Variants in TMEM50B observed in about 807,000 individuals in gnomAD.
TMEM50B encodes the protein HCV p7-trans-regulated protein 3.
TMEM50B carries 14 observed loss-of-function variants against 23.4 expected under a neutral mutation model. That is an observed-to-expected ratio of 0.60 (90% CI 0.39 to 0.93). The LOEUF (loss-of-function observed/expected upper bound fraction) is 0.93, where lower values mean the gene tolerates loss of function less well. TMEM50B is among the 40% of genes least tolerant of loss of function. The pLI, the probability that TMEM50B is intolerant of heterozygous loss-of-function variation, is 0.00. For missense variants in TMEM50B, 159 were observed against 193.0 expected (o/e 0.82, Z 1.04); for synonymous variants, 64 against 62.3 (o/e 1.03, Z -0.13).
rs1445005266 is a variant in TMEM50B at position 33,450,771 on chromosome 21, C to T, written c.*47G>A. On this transcript the variant is annotated 3_prime_UTR_variant, in exon 7 of 7. Transcript: ENST00000542230. ...GTGTACTGAGAGATAAAAAACCTAT[C>T]TACAAACAGAATATAACAAAAGGAA... The T allele has an allele frequency of 6.5e-7, 1 of 1,543,114 alleles. No homozygotes were observed. Among genetic ancestry groups the T allele is most frequent in the Non-Finnish European group, 8.9e-7 (1 of 1,125,630 alleles).
intron 1 of TMEM50B, among the ~76,000 whole-genome samples, chr21:33,476,666 CAGG>C (rs2084374272): frequency 7.1e-6 from 1 of 141,282 alleles, no homozygotes; most frequent in South Asian, 2.3e-4. Flanking sequence ...GAGGCTGAGG[CAGG>C]AGAATGGTGT....
At chr21:33,455,525 G>A (rs2084161093) in intron 6 of TMEM50B, among the ~76,000 whole-genome samples, 1 of 152,118 alleles carries the variant, frequency 6.6e-6, no homozygotes, top group Admixed American at 6.6e-5. Context: ...AAAGGATCCA[G>A]CTAAAGTCTT....
chr21:33,464,582 G>A (rs1325874892), intron 4 of TMEM50B, among the ~76,000 whole-genome samples: 1 of 148,718 alleles, frequency 6.7e-6, no homozygotes, highest in East Asian at 2.1e-4. Context: ...AAGGTGGGTG[G>A]ATCACCTGAG....
At chr21:33,452,229 C>A (rs989067581) in intron 6 of TMEM50B, among the ~76,000 whole-genome samples, 1 of 152,216 alleles carries the variant, frequency 6.6e-6, no homozygotes, top group Non-Finnish European at 1.5e-5. Flanking sequence ...GCAGAAACTG[C>A]CAAACATCTT....
chr21:33,457,683 G>A (rs1242103057), intron 5 of TMEM50B, among the ~76,000 whole-genome samples: 1 of 150,086 alleles, frequency 6.7e-6, no homozygotes, highest in South Asian at 2.1e-4. Flanking sequence ...CTCAACAATA[G>A]TAAAGCCTTT....
At chr21:33,453,627 C>A (rs2123421446) in intron 6 of TMEM50B, among the ~76,000 whole-genome samples, 1 of 151,908 alleles carries the variant, frequency 6.6e-6, no homozygotes, top group Non-Finnish European at 1.5e-5. Context: ...TCAATATACA[C>A]CAAGCAGAAG....
At chr21:33,433,819 T>C (rs1239230929) in intron 8 of TMEM50B, among the ~76,000 whole-genome samples, 2 of 151,846 alleles carry the variant, frequency 1.3e-5, no homozygotes. Context: ...TGGGGTTGGC[T>C]AAAAAGGTGG....
At chr21:33,454,299 A>C (rs896648388) in intron 6 of TMEM50B, among the ~76,000 whole-genome samples, 1 of 151,876 alleles carries the variant, frequency 6.6e-6, no homozygotes, top group Non-Finnish European at 1.5e-5. Context: ...ACTATGTATT[A>C]ATTATTATTA....
At chr21:33,433,623 T>A (rs569873478) in intron 8 of TMEM50B, among the ~76,000 whole-genome samples, 2 of 151,940 alleles carry the variant, frequency 1.3e-5, no homozygotes, top group Admixed American at 1.3e-4. Context: ...AAGTGGGAAG[T>A]TCGTGTTGAA....
intron 1 of TMEM50B, among the ~76,000 whole-genome samples, chr21:33,476,942 T>C (rs1463845084): frequency 2.6e-5 from 4 of 151,828 alleles, no homozygotes; most frequent in Non-Finnish European, 5.9e-5. Flanking sequence ...TGTCCATCAA[T>C]AAGGAACCAA....
intron 4 of TMEM50B, 101 bp from the exon 5 acceptor site, chr21:33,460,606 T>C (rs977534993): frequency 3.8e-6 from 2 of 528,352 alleles, no homozygotes; most frequent in East Asian, 3.1e-5. Flanking sequence ...GTATATATTA[T>C]GCATATCAAA....
chr21:33,469,850 T>C (rs971342484), intron 1 of TMEM50B, among the ~76,000 whole-genome samples: 8 of 152,232 alleles, frequency 5.3e-5, no homozygotes, highest in African/African-American at 1.7e-4. Context: ...GCACCAGATA[T>C]ATGGAGCAGA....
intron 8 of TMEM50B, among the ~76,000 whole-genome samples, chr21:33,435,567 T>A (rs1012794490): frequency 2.6e-5 from 4 of 152,038 alleles, no homozygotes; most frequent in African/African-American, 9.7e-5. Context: ...ATTACTGAGA[T>A]GAGGGGTAAG....
chr21:33,450,539 A>T lies in TMEM50B; in HGVS notation c.*279T>A. On this transcript the variant is annotated 3_prime_UTR_variant, in exon 7 of 7. Coordinates refer to ENST00000542230, the MANE Select transcript of TMEM50B (RefSeq NM_006134.7). ...ACTTCTAAAATGACAAGATGATGTA[A>T]CCCTGGCTCAGGGAGTAGATCAAGT... 1 of 298,426 alleles carries T rather than the reference A, an allele frequency of 3.4e-6. No homozygotes were observed. Among genetic ancestry groups the T allele is most frequent in the East Asian group, 5.6e-5 (1 of 17,830 alleles). The allele number at this position is 298,426 out of a possible 1,614,324, so 18.5% of individuals were successfully genotyped here.
In TMEM50B at chr21:33,467,076, G is replaced by C. The variant is rs1271631733; in HGVS notation, c.146C>G (p.Pro49Arg). The C allele has an allele frequency of 6.2e-7, 1 of 1,614,206 alleles. No individual in the cohort carries two copies. The highest frequency in any genetic ancestry group is 1.3e-5 in the African/African-American group (1 of 75,066). The change falls in exon 3 of 7, where the codon CCT (proline) becomes CGT (arginine). Residue 49 changes from proline to arginine, a missense_variant. By Grantham distance (103) the Pro-to-Arg change is moderately radical. Transcript: ENST00000542230. ...GGCATGGTTCAACTGTTCTGGCTTA[G>C]GATACACCACAGCTGCATCAATCAT... ...WIMIDAAVVY[P>R]KPEQLNHAFH...
chr21:33,462,419 C>T (rs1601123926), intron 4 of TMEM50B, among the ~76,000 whole-genome samples: 1 of 152,080 alleles, frequency 6.6e-6, no homozygotes, highest in South Asian at 2.1e-4. Context: ...GTAAAAACGA[C>T]GGGCTTGGGA....
chr21:33,478,891 A>G, intron 1 of TMEM50B: 2 of 457,602 alleles, frequency 4.4e-6, no homozygotes, highest in East Asian at 7.0e-5. Flanking sequence ...TGCAGGTAGG[A>G]TGAAGAGTCT....
downstream of TMEM50B, among the ~76,000 whole-genome samples, chr21:33,445,945 A>G (rs1290266056): frequency 6.6e-6 from 1 of 152,240 alleles, no homozygotes; most frequent in Non-Finnish European, 1.5e-5. Context: ...GAATAAGGGA[A>G]TAAGGGAGAA....
chr21:33,473,457 GAAA>G (rs35814774), intron 1 of TMEM50B, among the ~76,000 whole-genome samples: 3 of 84,830 alleles, frequency 3.5e-5, no homozygotes, highest in East Asian at 4.0e-4. Flanking sequence ...TGTCTCGGAA[GAAA>G]AAAAAAAAAA....
Sources: allele counts gnomAD v4.1 joint callset (sites outside exome capture counted in the v4.1 genomes callset), GRCh38; gene constraint gnomAD v4.1.1; transcripts MANE v1.5; gene names NCBI Gene and HGNC (gene_info 2026-07-23, HGNC 2026-07-21).